The following L3MBTL1 variants were observed in gnomAD, a reference collection of about 807,000 sequenced individuals.
L3MBTL1 encodes the protein lethal(3)malignant brain tumor-like protein 1.
Under a neutral mutation model 105.3 loss-of-function variants are expected in L3MBTL1, and 75 were observed. The observed-to-expected ratio is 0.71, with a 90% CI of 0.59 to 0.86. The LOEUF (loss-of-function observed/expected upper bound fraction) is 0.86. Ranked by LOEUF, L3MBTL1 falls within the 40% of genes least tolerant of loss-of-function variation. The pLI, the probability that L3MBTL1 is intolerant of heterozygous loss-of-function variation, is 0.00. For missense variants in L3MBTL1, 1,069 were observed against 1,126.4 expected, an observed-to-expected ratio of 0.95 and a Z score of 0.73; for synonymous variants, 452 against 436.2, an observed-to-expected ratio of 1.04 and a Z score of -0.45.
rs1397260921 is a variant in L3MBTL1, at chr20:43,513,618, G to A, written c.115G>A (p.Ala39Thr). ...DSPGSGPHLP[A>T]TAFIIPASSA... ...CCCCGGTTCTGGTCCTCACCTGCCC[G>A]CAACTGCCTTCATCATTCCAGGTGA... Residue 39 changes from alanine (A) to threonine (T), a missense_variant, in exon 2 of 22, where the codon GCA becomes ACA. Ala to Thr is a moderately conservative substitution (Grantham distance 58, BLOSUM62 0). Transcript: ENST00000418998. The A allele has an allele frequency of 1.3e-6, 2 of 1,550,624 alleles. No homozygotes were observed. Among genetic ancestry groups the A allele is most frequent in the East Asian group, 2.4e-5 (1 of 40,920 alleles).
downstream of L3MBTL1, among the ~76,000 whole-genome samples, chr20:43,546,558 G>A (rs888372425): frequency 6.6e-6 from 1 of 152,142 alleles, no homozygotes; most frequent in Non-Finnish European, 1.5e-5. Flanking sequence ...CAACATAGAA[G>A]TGTTTTCATT....
intron 6 of L3MBTL1, chr20:43,515,887 G>A (rs139761179): frequency 3.6e-6 from 2 of 562,764 alleles, no homozygotes; most frequent in African/African-American, 1.9e-5. Context: ...GTTTAATTAG[G>A]ATGTGCATGC....
chr20:43,540,951 G>A lies in L3MBTL1; in HGVS notation c.2412G>A (p.Val804=). The A allele has an allele frequency of 6.2e-7, 1 of 1,614,120 alleles. No individual in the cohort carries two copies. The highest frequency in any genetic ancestry group is 8.5e-7 in the Non-Finnish European group (1 of 1,179,988). The change falls in exon 22 of 22, where the codon GTG becomes GTA. Residue 804 remains valine, a synonymous_variant. Coordinates refer to ENST00000418998, the MANE Select transcript of L3MBTL1 (RefSeq NM_001377303.1). ...LFKDEARIVR[V]THVSGKTLVW... ...CCCACCAGGCAAGAATAGTCAGAGTGACCCATGTATCTGGGAAGACTCTAG... is the reference window on the plus strand; with the variant it reads ...CCCACCAGGCAAGAATAGTCAGAGTAACCCATGTATCTGGGAAGACTCTAG...
At chr20:43,532,544 C>A in intron 11 of L3MBTL1, 1 of 474,162 alleles carries the variant, frequency 2.1e-6, no homozygotes, top group Non-Finnish European at 3.7e-6. Flanking sequence ...CCTTCTGACA[C>A]AAGCCAGGCC....
rs868673335 is a variant in L3MBTL1, at chr20:43,535,722, A to G, written c.1826-115A>G. 4.4e-5 allele frequency: 29 copies of G among 663,848 alleles called. 1 individual carries two copies. The Middle Eastern group carries it at 2.0e-3, about 46-fold the overall frequency. The allele number at this position is 663,848 out of a possible 1,614,324, so 41.1% of individuals were successfully genotyped here. ...GTGTCACAGCCAACGCAGGGCCCTC[A>G]TCCTTGGGGAGTGGGTTTCTAGTGC... On this transcript the variant is annotated intron_variant, in intron 16 of 21. Transcript: ENST00000418998.
At chr20:43,524,070 T>A (rs939421388) in intron 7 of L3MBTL1, among the ~76,000 whole-genome samples, 5 of 151,986 alleles carry the variant, frequency 3.3e-5, no homozygotes, top group African/African-American at 9.7e-5. Flanking sequence ...TAAGCAATCC[T>A]CCTACCTCAG....
chr20:43,518,469 A>G (rs1301223731), intron 7 of L3MBTL1, among the ~76,000 whole-genome samples: 3 of 152,214 alleles, frequency 2.0e-5, no homozygotes, highest in African/African-American at 7.2e-5. Flanking sequence ...TCTGTCTCAT[A>G]GATCTTCTCC....
In L3MBTL1 at chr20:43,540,227, G is replaced by T. The variant is rs778135308; in HGVS notation, c.2250G>T (p.Val750=). ...LSAHPDRSLS[V]CWEQHCKLLP... ...CCCACCCTGACCGCTCACTCTCAGT[G>T]TGCTGGGAGCAGCACTGCAAGCTCC... The change falls in exon 20 of 22, where the codon GTG becomes GTT. Residue 750 remains valine, a synonymous_variant. Transcript: ENST00000418998. 1 of 1,613,668 alleles carries T rather than the reference G, an allele frequency of 6.2e-7. No homozygotes were observed. The highest frequency in any genetic ancestry group is 8.5e-7 in the Non-Finnish European group (1 of 1,180,030).
At chr20:43,515,508 G>T (rs2018343732) in intron 6 of L3MBTL1, 93 bp downstream of exon 6, 2 of 1,475,202 alleles carry the variant, frequency 1.4e-6, no homozygotes, top group Non-Finnish European at 1.8e-6. Context: ...ATGGAGCTGG[G>T]CCAGAGAAGA....
rs1280240684 is a variant in L3MBTL1, at chr20:43,534,935, T to C, written c.1818T>C (p.Pro606=). The C allele has an allele frequency of 6.3e-7, 1 of 1,596,988 alleles. No individual in the cohort carries two copies. The highest frequency in any genetic ancestry group is 8.5e-7 in the Non-Finnish European group (1 of 1,175,406). The change falls in exon 16 of 22, where the codon CCT becomes CCC. Residue 606 remains proline, a synonymous_variant. Coordinates refer to ENST00000418998, the MANE Select transcript of L3MBTL1 (RefSeq NM_001377303.1). ...WCSKTGHPLQ[P]PLGPREPSSA... Reference sequence around the variant, plus strand: ...CCAAGACAGGACATCCCCTGCAGCCTCCTCTCGGTGTGTACCCCTAGGGCA... The same window carrying C: ...CCAAGACAGGACATCCCCTGCAGCCCCCTCTCGGTGTGTACCCCTAGGGCA...
chr20:43,546,370 A>G (rs1331268654), downstream of L3MBTL1, among the ~76,000 whole-genome samples: 1 of 152,190 alleles, frequency 6.6e-6, no homozygotes, highest in East Asian at 1.9e-4. Flanking sequence ...AGTGGTTAGG[A>G]ACACAGGTCA....
chr20:43,537,559 G>A (rs2019695152), intron 19 of L3MBTL1, among the ~76,000 whole-genome samples: 1 of 152,102 alleles, frequency 6.6e-6, no homozygotes, highest in South Asian at 2.1e-4. Context: ...TGGGGGTTAG[G>A]GCTTCAGCAT....
At chr20:43,514,969 C>A in intron 4 of L3MBTL1, 40 bp from the exon 5 acceptor site, 1 of 1,601,378 alleles carries the variant, frequency 6.2e-7, no homozygotes, top group South Asian at 1.1e-5. Context: ...AGTGTGGCTG[C>A]GATGGGGAGG....
chr20:43,534,394 G>A lies in L3MBTL1; in HGVS notation c.1710G>A (p.Lys570=). ...AGGATGTGGAGGACCATCGGATAAA[G>A]GTGGCTCTGGGACCCTAGGGCTGGG... ...SVEDVEDHRI[K]IHFDGWSHGY... Residue 570 remains lysine, a splice_region_variant and synonymous_variant, in exon 15 of 22, where the codon AAG becomes AAA. Transcript: ENST00000418998. 6.2e-7 allele frequency: 1 copy of A among 1,613,690 alleles called. No homozygotes were observed. The highest frequency in any genetic ancestry group is 8.5e-7 in the Non-Finnish European group (1 of 1,179,660).
chr20:43,528,844 C>T (rs909867717), intron 8 of L3MBTL1, 99 bp downstream of exon 8: 1 of 886,914 alleles, frequency 1.1e-6, no homozygotes, highest in Admixed American at 1.9e-5. Context: ...TCAGGCATGC[C>T]TCAGTGGACT....
At chr20:43,546,515 G>A (rs574611902), downstream of L3MBTL1, among the ~76,000 whole-genome samples, 8 of 152,322 alleles carry the variant, frequency 5.3e-5, no homozygotes, top group Non-Finnish European at 1.0e-4. Flanking sequence ...ATACACAACA[G>A]GTGCTTAGGA....
At chr20:43,530,490 C>T in intron 10 of L3MBTL1, 71 bp downstream of exon 10, 2 of 1,519,112 alleles carry the variant, frequency 1.3e-6, no homozygotes, top group Non-Finnish European at 1.8e-6. Context: ...CCCTTGGGTC[C>T]CCGGCTTCCA....
chr20:43,533,904 C>A, intron 13 of L3MBTL1, 104 bp from the exon 14 acceptor site: 1 of 813,460 alleles, frequency 1.2e-6, no homozygotes. Context: ...AGAGATTCTA[C>A]TCCAAGGGCT....
downstream of L3MBTL1, among the ~76,000 whole-genome samples, chr20:43,546,334 A>G (rs1211351817): frequency 6.6e-6 from 1 of 152,222 alleles, no homozygotes; most frequent in East Asian, 1.9e-4. Context: ...AGTCATGTCC[A>G]TAGGATACCC....
Sources: allele counts gnomAD v4.1 joint callset (sites outside exome capture counted in the v4.1 genomes callset), GRCh38; gene constraint gnomAD v4.1.1; transcripts MANE v1.5; gene names NCBI Gene and HGNC (gene_info 2026-07-23, HGNC 2026-07-21).